Variants in ABLIM2 observed in about 807,000 individuals in gnomAD.
ABLIM2 encodes actin-binding LIM protein 2.
ABLIM2 carries 53 observed loss-of-function variants against 97.7 expected under a neutral mutation model. The observed-to-expected ratio is 0.54, with a 90% CI of 0.44 to 0.68. ABLIM2 has a LOEUF of 0.68. Ranked by LOEUF, ABLIM2 falls within the 30% of genes least tolerant of loss-of-function variation. ABLIM2 has a pLI of 0.00. For synonymous variants in ABLIM2, 361 were observed against 345.8 expected (o/e 1.04, Z -0.49); for missense variants, 835 against 867.2 (o/e 0.96, Z 0.47).
At chr4:8,114,776 C>T (rs1386220708) in intron 1 of ABLIM2, among the ~76,000 whole-genome samples, 1 of 129,656 alleles carries the variant, frequency 7.7e-6, no homozygotes, top group Admixed American at 8.6e-5. Flanking sequence ...TAGGCCAGCA[C>T]CGGGCCGATG....
chr4:8,011,402 C>T (rs994262941), intron 14 of ABLIM2, among the ~76,000 whole-genome samples: 1 of 152,202 alleles, frequency 6.6e-6, no homozygotes, highest in Non-Finnish European at 1.5e-5. Context: ...CTCTTGAGAA[C>T]TAGGAGCTTG....
At chr4:7,983,139 C>T (rs1156467214) in intron 20 of ABLIM2, 125 bp downstream of exon 20, 18 of 1,001,078 alleles carry the variant, frequency 1.8e-5, no homozygotes, top group East Asian at 2.6e-5. Flanking sequence ...CTCTGCATCA[C>T]GGCAAGGCTC....
At chr4:8,106,786 G>A in intron 1 of ABLIM2, 149 bp from the exon 2 acceptor site, 2 of 989,676 alleles carry the variant, frequency 2.0e-6, no homozygotes, top group South Asian at 1.7e-5. Flanking sequence ...GGGTCGGTCT[G>A]TTGTCTCCTT....
rs1037047312 is a variant in ABLIM2 at position 8,140,629 on chromosome 4, C to T, written c.10+18051G>A. On this transcript the variant is annotated intron_variant, in intron 1 of 20. Coordinates refer to ENST00000447017, the MANE Select transcript of ABLIM2 (RefSeq NM_001130083.2). This position sits in a 1 kb window ranked among gnomAD's most constrained non-coding sequence, Gnocchi z 5.9. ...ACCGTTACTCCCATGGCCACTGCTA[C>T]TGATGATGGAAGCAATGATGATAAA... Among the ~76,000 whole-genome samples the T allele has an allele frequency of 1.3e-5, 2 of 152,142 alleles. No individual in the cohort carries two copies. The highest frequency in any genetic ancestry group is 4.2e-4 in the South Asian group (2 of 4,818).
In ABLIM2 at chr4:8,002,601, C is replaced by T. The variant is rs1757974993; in HGVS notation, c.1618+5458G>A. 6.6e-6 allele frequency among the ~76,000 whole-genome samples: 1 copy of T among 152,184 alleles called. No individual in the cohort carries two copies. Among genetic ancestry groups the T allele is most frequent in the South Asian group, 2.1e-4 (1 of 4,824 alleles). Reference sequence around the variant, plus strand: ...TTCCTGATTGGACCTCGGCCTGCTTCCACCAGCTTCTGGCGAGTCCCAGCT... The same window carrying T: ...TTCCTGATTGGACCTCGGCCTGCTTTCACCAGCTTCTGGCGAGTCCCAGCT... On this transcript the variant is annotated intron_variant, in intron 16 of 20. Coordinates refer to ENST00000447017, the MANE Select transcript of ABLIM2 (RefSeq NM_001130083.2). The surrounding 1 kb of genome is among the most constrained non-coding windows in gnomAD (Gnocchi z 6.1).
intron 11 of ABLIM2, among the ~76,000 whole-genome samples, chr4:8,029,044 C>T (rs1560749632): frequency 6.6e-6 from 1 of 152,076 alleles, no homozygotes; most frequent in Non-Finnish European, 1.5e-5. Context: ...AGGAGTTTCA[C>T]AGCTACAGGG....
chr4:8,036,382 G>T, intron 9 of ABLIM2, 87 bp from the exon 10 acceptor site: 1 of 1,498,912 alleles, frequency 6.7e-7, no homozygotes, highest in Admixed American at 1.8e-5. Context: ...CATCCCACAG[G>T]ACAGTGCCCC....
At chr4:8,137,893 C>T (rs1216923594) in intron 1 of ABLIM2, among the ~76,000 whole-genome samples, 1 of 152,232 alleles carries the variant, frequency 6.6e-6, no homozygotes, top group Non-Finnish European at 1.5e-5. Flanking sequence ...TTAGTCACAT[C>T]AGCCAAGAGG....
In ABLIM2 at chr4:8,006,761, G is replaced by A. The variant is rs544608005; in HGVS notation, c.1618+1298C>T. Among the ~76,000 whole-genome samples the A allele has an allele frequency of 6.6e-5, 10 of 152,340 alleles. No individual in the cohort carries two copies. In the East Asian group the frequency reaches 1.2e-3, roughly 18 times the overall value. ...GCTGCCCACGGGGGCACAGGCAGGCGCGCGTGGACCAGCCCCATAGCCCCC... is the reference window on the plus strand; with the variant it reads ...GCTGCCCACGGGGGCACAGGCAGGCACGCGTGGACCAGCCCCATAGCCCCC... On this transcript the variant is annotated intron_variant, in intron 16 of 20. Coordinates refer to ENST00000447017, the MANE Select transcript of ABLIM2 (RefSeq NM_001130083.2).
rs978828767 is a variant in ABLIM2, at chr4:8,003,965, C to G, written c.1618+4094G>C. ...CTGCCCGTCCCACCAGATATCCTCA[C>G]GAGATTGACAGTAGCACGTCAGGGA... On this transcript the variant is annotated intron_variant, in intron 16 of 20. Transcript: ENST00000447017. This position sits in a 1 kb window ranked among gnomAD's most constrained non-coding sequence, Gnocchi z 4.2. 6.6e-6 allele frequency among the ~76,000 whole-genome samples: 1 copy of G among 152,114 alleles called. No individual in the cohort carries two copies. Among genetic ancestry groups the G allele is most frequent in the African/African-American group, 2.4e-5 (1 of 41,420 alleles).
At chr4:8,009,541 G>A (rs1763538130) in intron 14 of ABLIM2, among the ~76,000 whole-genome samples, 1 of 152,122 alleles carries the variant, frequency 6.6e-6, no homozygotes, top group East Asian at 1.9e-4. Flanking sequence ...GATTACAGGT[G>A]TGCATCACCA....
rs993942100 is a variant in ABLIM2 at position 8,124,732 on chromosome 4, T to C, written c.11-18095A>G. Among the ~76,000 whole-genome samples, 1 of 152,216 alleles carries C rather than the reference T, an allele frequency of 6.6e-6. No homozygotes were observed. The highest frequency in any genetic ancestry group is 6.5e-5 in the Admixed American group (1 of 15,282). Reference sequence around the variant, plus strand: ...GGCTATGAACATTCGAGTGTGAATATTCGTGTGGACATAGGTTTGCATGCT... The same window carrying C: ...GGCTATGAACATTCGAGTGTGAATACTCGTGTGGACATAGGTTTGCATGCT... On this transcript the variant is annotated intron_variant, in intron 1 of 20. Coordinates refer to ENST00000447017, the MANE Select transcript of ABLIM2 (RefSeq NM_001130083.2). The surrounding 1 kb of genome is among the most constrained non-coding windows in gnomAD (Gnocchi z 6.1).
chr4:7,989,509 T>C (rs986607365), intron 17 of ABLIM2: 9 of 807,126 alleles, frequency 1.1e-5, no homozygotes, highest in Non-Finnish European at 1.3e-5. Context: ...TATTCCATTA[T>C]GCCTCCATAA....
rs751268999 is a variant in ABLIM2, at chr4:8,087,794, G to C, written c.454+375C>G. On this transcript the variant is annotated intron_variant, in intron 4 of 20. Coordinates refer to ENST00000447017, the MANE Select transcript of ABLIM2 (RefSeq NM_001130083.2). This position sits in a 1 kb window ranked among gnomAD's most constrained non-coding sequence, Gnocchi z 4.6. ...CAGTGGGCATTAGATGGGAAAGCAG[G>C]AGTGGCACATGGGGTGGAGGAAACA... 1.3e-5 allele frequency among the ~76,000 whole-genome samples: 2 copies of C among 152,052 alleles called. No individual in the cohort carries two copies. The highest frequency in any genetic ancestry group is 2.9e-5 in the Non-Finnish European group (2 of 67,994).
chr4:8,009,197 A>C, intron 14 of ABLIM2, 95 bp from the exon 15 acceptor site: 1 of 1,482,286 alleles, frequency 6.7e-7, no homozygotes, highest in Non-Finnish European at 9.4e-7. Context: ...TCAAAAATGA[A>C]AAATCAATCA....
chr4:8,097,139 T>A lies in ABLIM2; in HGVS notation c.298A>T (p.Lys100Ter). 1 of 1,611,708 alleles carries A rather than the reference T, an allele frequency of 6.2e-7. No individual in the cohort carries two copies. The highest frequency in any genetic ancestry group is 1.3e-5 in the African/African-American group (1 of 75,002). ...IEGEVVSALG[K>*]TYHPDCFVCA... ...ACGAAGCAGTCGGGGTGGTAGGTCT[T>A]GCCCAGCGCCGACACCACCTCACCC... The change falls in exon 3 of 21, where the codon AAG becomes TAG. Residue 100 changes from lysine (K) to a stop codon, truncating the protein, a stop_gained. Coordinates refer to ENST00000447017, the MANE Select transcript of ABLIM2 (RefSeq NM_001130083.2). LOFTEE classifies it high-confidence loss of function.
chr4:8,148,270 G>A lies in ABLIM2; in HGVS notation c.10+10410C>T, dbSNP rs935260726. ...GGGCCCAGTGTGTCTGGAGGGGAGA[G>A]GATGAGCTGGTGGATGAGAGGGCTG... On this transcript the variant is annotated intron_variant, in intron 1 of 20. Transcript: ENST00000447017. The surrounding 1 kb of genome is among the most constrained non-coding windows in gnomAD (Gnocchi z 6.7). Among the ~76,000 whole-genome samples, 34 of 152,218 alleles carry A rather than the reference G, an allele frequency of 2.2e-4. No individual in the cohort carries two copies. The highest frequency in any genetic ancestry group is 6.5e-5 in the Admixed American group (1 of 15,282).
Position 8,019,226 on chromosome 4 carries a change from A to G in ABLIM2, c.1423+392T>C, listed in dbSNP as rs1771755356. On this transcript the variant is annotated intron_variant, in intron 14 of 20. Transcript: ENST00000447017. This position sits in a 1 kb window ranked among gnomAD's most constrained non-coding sequence, Gnocchi z 4.3. ...TAAACGACCGATTCAAGTTTGTTCT[A>G]TATTCCAAAGATCGGGCCTGGATCA... Among the ~76,000 whole-genome samples the G allele has an allele frequency of 6.6e-6, 1 of 152,226 alleles. No homozygotes were observed. The highest frequency in any genetic ancestry group is 1.5e-5 in the Non-Finnish European group (1 of 68,046).
intron 6 of ABLIM2, among the ~76,000 whole-genome samples, chr4:8,065,878 C>T (rs531188760): frequency 1.1e-4 from 16 of 144,670 alleles, no homozygotes; most frequent in South Asian, 4.5e-4. Context: ...GAGCTGAGAT[C>T]GCGCCACTGT....
Sources: gnomAD v4.1 joint callset for allele counts (sites outside exome capture counted in the v4.1 genomes callset) on GRCh38, gnomAD v4.1.1 for gene constraint, Gnocchi (gnomAD v3.1) non-coding constraint, MANE v1.5 for transcripts, NCBI Gene and HGNC (gene_info 2026-07-23, HGNC 2026-07-21) for gene names.